Variants in STN1 observed in about 807,000 individuals in gnomAD.
STN1 encodes CST complex subunit STN1.
Under a neutral mutation model 45.5 loss-of-function variants are expected in STN1, and 29 were observed. The ratio of observed to expected loss-of-function variants is 0.64; its 90% CI spans 0.47 to 0.87. The LOEUF (loss-of-function observed/expected upper bound fraction) is 0.87, where lower values mean the gene tolerates loss of function less well. STN1 is among the 40% of genes least tolerant of loss of function. The pLI is 0.00. For missense variants in STN1, 376 were observed against 441.4 expected (o/e 0.85, Z 1.33); for synonymous variants, 148 against 159.0 (o/e 0.93, Z 0.52).
chr10:103,889,241 A>G, intron 8 of STN1, 97 bp from the exon 9 acceptor site: 1 of 771,640 alleles, frequency 1.3e-6, no homozygotes, highest in South Asian at 1.5e-5. Context: ...TAGTTTCTAA[A>G]GATTACATAA....
intron 9 of STN1, among the ~76,000 whole-genome samples, chr10:103,888,556 G>A (rs1460872298): frequency 6.6e-6 from 1 of 152,172 alleles, no homozygotes; most frequent in Non-Finnish European, 1.5e-5. Flanking sequence ...CAGTTTCCAA[G>A]ATGACTGAAT....
At chr10:103,893,733 C>T (rs1359890584) in intron 7 of STN1, among the ~76,000 whole-genome samples, 1 of 152,210 alleles carries the variant, frequency 6.6e-6, no homozygotes, top group Non-Finnish European at 1.5e-5. Flanking sequence ...GTAACCTTCT[C>T]TTTCTAGAAG....
intron 3 of STN1, among the ~76,000 whole-genome samples, chr10:103,905,890 A>G (rs543890003): frequency 1.3e-5 from 2 of 152,222 alleles, no homozygotes; most frequent in Non-Finnish European, 2.9e-5. Flanking sequence ...ATTTACAACT[A>G]CAGAGGAATT....
intron 3 of STN1, among the ~76,000 whole-genome samples, chr10:103,909,382 A>ATATATATGTATATATG (rs1420275453): frequency 2.3e-5 from 2 of 86,844 alleles, no homozygotes; most frequent in Non-Finnish European, 4.6e-5. Flanking sequence ...ATATATATGT[A>ATATATATGTATATATG]TATATATGTA....
intron 2 of STN1, among the ~76,000 whole-genome samples, chr10:103,915,025 G>C (rs1843321250): frequency 6.6e-6 from 1 of 152,180 alleles, no homozygotes; most frequent in Non-Finnish European, 1.5e-5. Context: ...ACTCAGGAAG[G>C]TGCTATACTT....
At chr10:103,903,166 T>C (rs1473567357) in intron 4 of STN1, among the ~76,000 whole-genome samples, 1 of 152,180 alleles carries the variant, frequency 6.6e-6, no homozygotes, top group African/African-American at 2.4e-5. Flanking sequence ...GCCATGCCCA[T>C]TTGCTTATGT....
chr10:103,906,552 T>C (rs1203638081), intron 3 of STN1, among the ~76,000 whole-genome samples: 1 of 152,114 alleles, frequency 6.6e-6, no homozygotes, highest in Non-Finnish European at 1.5e-5. Flanking sequence ...TCCCAGCTAC[T>C]TGGGAGGCTG....
intron 7 of STN1, among the ~76,000 whole-genome samples, chr10:103,892,819 G>T (rs571259867): frequency 6.6e-6 from 1 of 152,186 alleles, no homozygotes; most frequent in African/African-American, 2.4e-5. Flanking sequence ...ACCTAGAAGG[G>T]ACCTCTGCTG....
At position 103,892,392 on chromosome 10, in the gene STN1, C is replaced by T. The variant is rs575746221; in HGVS notation, c.754-140G>A. On this transcript the variant is annotated intron_variant, in intron 7 of 9. Coordinates refer to ENST00000224950, the MANE Select transcript of STN1 (RefSeq NM_024928.5). ...GAGTCAAAAAGATCCTGGTATGTAC[C>T]GGCCTAGCAGGATGGTATTTAAGGA... is the stretch of plus-strand genomic sequence containing the variant. 2.4e-5 allele frequency: 17 copies of T among 701,022 alleles called. No individual in the cohort carries two copies. The African/African-American group carries it at 2.5e-4, about 10-fold the overall frequency. 43.4% of individuals were successfully genotyped at this position (701,022 alleles called of 1,614,324 possible). A position where few individuals can be genotyped will look rare whatever the true frequency, so the allele number is the denominator to read the frequency against.
chr10:103,888,935 C>T, intron 9 of STN1, 137 bp downstream of exon 9: 2 of 636,980 alleles, frequency 3.1e-6, no homozygotes, highest in Admixed American at 5.2e-5. Flanking sequence ...TCAGGGAGGG[C>T]AGGTACTTTG....
chr10:103,910,980 A>C (rs1564635513), intron 2 of STN1, among the ~76,000 whole-genome samples: 1 of 151,172 alleles, frequency 6.6e-6, no homozygotes, highest in Non-Finnish European at 1.5e-5. Context: ...ACTAGAAGGA[A>C]AGAGAGAGGA....
At chr10:103,899,591 G>A (rs1311306198) in intron 5 of STN1, among the ~76,000 whole-genome samples, 1 of 150,520 alleles carries the variant, frequency 6.6e-6, no homozygotes, top group Admixed American at 6.6e-5. Context: ...GAAGGCTGAG[G>A]TGGGAGAATC....
At chr10:103,909,392 ATATATG>A (rs1236259961) in intron 3 of STN1, among the ~76,000 whole-genome samples, 11 of 71,998 alleles carry the variant, frequency 1.5e-4, no homozygotes, top group Middle Eastern at 7.9e-3. Context: ...ATATATATGT[ATATATG>A]TATATATATG....
At chr10:103,903,929 G>A (rs1843225168) in intron 4 of STN1, among the ~76,000 whole-genome samples, 1 of 152,150 alleles carries the variant, frequency 6.6e-6, no homozygotes, top group African/African-American at 2.4e-5. Context: ...TGATTTAGAT[G>A]TTCCCAAATT....
At chr10:103,898,617 C>T (rs1843186919) in intron 6 of STN1, among the ~76,000 whole-genome samples, 1 of 152,138 alleles carries the variant, frequency 6.6e-6, no homozygotes, top group Admixed American at 6.5e-5. Flanking sequence ...TTCTCTGCTC[C>T]TGCCTCCACT....
chr10:103,902,447 A>G (rs1843215743), intron 4 of STN1, among the ~76,000 whole-genome samples: 1 of 152,182 alleles, frequency 6.6e-6, no homozygotes. Context: ...CCCACCTTTC[A>G]CTTAAAGGGT....
At chr10:103,915,725 C>T (rs1843326423) in intron 2 of STN1, among the ~76,000 whole-genome samples, 1 of 152,076 alleles carries the variant, frequency 6.6e-6, no homozygotes. Context: ...GAATTCCCCA[C>T]CCCCCAGAAC....
In STN1 at chr10:103,897,545, C is replaced by A; in HGVS notation, c.753+3G>T. The A allele has an allele frequency of 1.2e-6, 2 of 1,613,850 alleles. No homozygotes were observed. Among genetic ancestry groups the A allele is most frequent in the South Asian group, 2.2e-5 (2 of 91,066 alleles). On this transcript the variant is annotated splice_donor_region_variant and intron_variant, in intron 7 of 9. Transcript: ENST00000224950. ...AATTCTCACATGGGCATGCTGCACT[C>A]ACTTGGTCGGAGGAGGCACTGTGAA...
chr10:103,897,886 T>G (rs1439617726), intron 6 of STN1, among the ~76,000 whole-genome samples, 167 bp from the exon 7 acceptor site: 11 of 152,108 alleles, frequency 7.2e-5, no homozygotes, highest in Non-Finnish European at 8.8e-5. Flanking sequence ...TTTAAAATGA[T>G]GAGGCAGAAC....
Sources: gnomAD v4.1 joint callset for allele counts (sites outside exome capture counted in the v4.1 genomes callset) on GRCh38, gnomAD v4.1.1 for gene constraint, MANE v1.5 for transcripts, NCBI Gene and HGNC (gene_info 2026-07-23, HGNC 2026-07-21) for gene names.